Variants in POT1 observed in about 807,000 individuals in gnomAD.
POT1 encodes the protein protection of telomeres 1.
In POT1, 47 loss-of-function variants were observed where a neutral mutation model predicts 78.5. That is an observed-to-expected ratio of 0.60 (90% CI 0.47 to 0.76). The LOEUF (loss-of-function observed/expected upper bound fraction) is 0.76, where lower values mean the gene tolerates loss of function less well. Ranked by LOEUF, POT1 falls within the 30% of genes least tolerant of loss-of-function variation. The probability of loss-of-function intolerance (pLI) is 0.00; values close to 1 mark genes in which losing one functional copy is unlikely to be tolerated. For missense variants in POT1, 646 were observed against 749.9 expected, an observed-to-expected ratio of 0.86 and a Z score of 1.62; for synonymous variants, 259 against 260.7, an observed-to-expected ratio of 0.99 and a Z score of 0.06.
intron 6 of POT1, among the ~76,000 whole-genome samples, chr7:124,877,267 C>T (rs1796010250): frequency 6.6e-6 from 1 of 152,124 alleles, no homozygotes; most frequent in African/African-American, 2.4e-5. Flanking sequence ...TTCGATACTT[C>T]AACTTTATAA....
chr7:124,913,723 A>C (rs1796947100), intron 3 of POT1, among the ~76,000 whole-genome samples: 1 of 138,108 alleles, frequency 7.2e-6, no homozygotes, highest in Admixed American at 7.3e-5. Context: ...ATTTGTTGAA[A>C]AGACAAATGG....
intron 7 of POT1, among the ~76,000 whole-genome samples, chr7:124,869,137 C>G (rs1335273786): frequency 2.0e-5 from 3 of 151,994 alleles, no homozygotes; most frequent in African/African-American, 4.8e-5. Context: ...GTGAATGGAG[C>G]CATGCATGGT....
At chr7:124,881,234 C>T (rs1358694337) in intron 6 of POT1, among the ~76,000 whole-genome samples, 1 of 151,884 alleles carries the variant, frequency 6.6e-6, no homozygotes, top group Non-Finnish European at 1.5e-5. Flanking sequence ...CATTACTACA[C>T]ATCAGTCATT....
chr7:124,857,676 C>A (rs1795479956), intron 9 of POT1, among the ~76,000 whole-genome samples: 1 of 152,186 alleles, frequency 6.6e-6, no homozygotes, highest in African/African-American at 2.4e-5. Context: ...AGACTACCTT[C>A]CTGCTCCATC....
At chr7:124,905,028 T>A (rs1385161829) in intron 3 of POT1, among the ~76,000 whole-genome samples, 2 of 152,178 alleles carry the variant, frequency 1.3e-5, no homozygotes, top group Non-Finnish European at 2.9e-5. Context: ...TCCACGCTCA[T>A]GGATAGAAAA....
At chr7:124,832,009 A>AT (rs978065921) in intron 15 of POT1, among the ~76,000 whole-genome samples, 4 of 106,966 alleles carry the variant, frequency 3.7e-5, no homozygotes, top group African/African-American at 1.2e-4. Context: ...TAAAAAAAAA[A>AT]AAAAAAAAAA....
rs369417655 is a variant in POT1, at chr7:124,835,390, T to C, written c.1394A>G (p.Lys465Arg). Residue 465 changes from lysine (K) to arginine (R), a missense_variant, in exon 15 of 19, where the codon AAA becomes AGA. Around this residue, in one of 2 missense-constraint regions of POT1, gnomAD observed 394 missense variants for 408.4 expected, o/e 0.96. Coordinates refer to ENST00000357628, the MANE Select transcript of POT1 (RefSeq NM_015450.3). ...TACACTATTAAACTTGTTCGAGAGT[T>C]TGCAAATTTCACTGAGTGTACCTCC... ...IEGGTLSEICKLSNKFNSVIP... is the reference protein window; with the variant it reads ...IEGGTLSEICRLSNKFNSVIP... The C allele has an allele frequency of 1.9e-6, 3 of 1,613,352 alleles. No individual in the cohort carries two copies. The highest frequency in any genetic ancestry group is 4.5e-5 in the East Asian group (2 of 44,872).
chr7:124,917,022 G>T (rs1042746542), intron 2 of POT1, among the ~76,000 whole-genome samples: 2 of 152,094 alleles, frequency 1.3e-5, no homozygotes, highest in Non-Finnish European at 2.9e-5. Flanking sequence ...ACTGCAGCTG[G>T]AAGGCAAGAA....
At chr7:124,911,138 A>G (rs997551702) in intron 3 of POT1, among the ~76,000 whole-genome samples, 3 of 152,084 alleles carry the variant, frequency 2.0e-5, no homozygotes, top group Non-Finnish European at 4.4e-5. Flanking sequence ...TGTCATCTCA[A>G]ATATTAATAA....
chr7:124,891,475 CTA>C (rs993876140), intron 6 of POT1, among the ~76,000 whole-genome samples: 2 of 151,352 alleles, frequency 1.3e-5, no homozygotes, highest in African/African-American at 2.4e-5. Context: ...CTCAGCTACT[CTA>C]TGATTTTTTA....
intron 8 of POT1, among the ~76,000 whole-genome samples, chr7:124,863,008 T>G (rs998413069): frequency 6.6e-6 from 1 of 152,106 alleles, no homozygotes; most frequent in African/African-American, 2.4e-5. Flanking sequence ...AAGGTGACCT[T>G]GACAGGGAAA....
chr7:124,844,648 T>C (rs1584759752), intron 12 of POT1, among the ~76,000 whole-genome samples: 1 of 140,098 alleles, frequency 7.1e-6, no homozygotes, highest in African/African-American at 2.7e-5. Flanking sequence ...GGCAGGAGAA[T>C]GGCGTGAACC....
chr7:124,883,793 G>A (rs1426964202), intron 6 of POT1, among the ~76,000 whole-genome samples: 1 of 151,336 alleles, frequency 6.6e-6, no homozygotes, highest in Admixed American at 6.6e-5. Flanking sequence ...GTTTTAAAAT[G>A]CCAAAGGTGC....
At chr7:124,854,800 AT>A (rs566245132) in intron 9 of POT1, among the ~76,000 whole-genome samples, 1 of 151,612 alleles carries the variant, frequency 6.6e-6, no homozygotes, top group Non-Finnish European at 1.5e-5. Flanking sequence ...AAAACATAAA[AT>A]TTTCTAGTTT....
chr7:124,910,491 GTAAGATTTCA>G (rs1563018591), intron 3 of POT1, among the ~76,000 whole-genome samples: 2 of 151,754 alleles, frequency 1.3e-5, no homozygotes, highest in Non-Finnish European at 2.9e-5. Flanking sequence ...TTTGCAATCT[GTAAGATTTCA>G]TACAAATATA....
intron 6 of POT1, among the ~76,000 whole-genome samples, chr7:124,874,177 T>A (rs907203930): frequency 6.6e-6 from 1 of 152,182 alleles, no homozygotes; most frequent in Non-Finnish European, 1.5e-5. Context: ...ACTTCTCATG[T>A]TGGTGTTAAC....
intron 7 of POT1, among the ~76,000 whole-genome samples, chr7:124,866,220 C>T (rs1158814104): frequency 2.7e-5 from 4 of 146,872 alleles, no homozygotes; most frequent in Non-Finnish European, 6.0e-5. Context: ...AAGTCTTCTC[C>T]GTAGAACTTG....
chr7:124,853,421 A>C (rs1325275090), intron 9 of POT1: 2 of 213,110 alleles, frequency 9.4e-6, no homozygotes, highest in African/African-American at 4.5e-5. Flanking sequence ...CAGATCTATT[A>C]AAATGTGAAA....
chr7:124,840,834 T>C, intron 14 of POT1, 139 bp downstream of exon 14: 2 of 588,476 alleles, frequency 3.4e-6, no homozygotes, highest in African/African-American at 1.9e-5. Context: ...AGTTAACATA[T>C]ATATTCAATT....
Sources: gnomAD v4.1 joint callset for allele counts (sites outside exome capture counted in the v4.1 genomes callset) on GRCh38, gnomAD v4.1.1 for gene constraint, gnomAD v4.1.1 regional missense constraint, MANE v1.5 for transcripts, NCBI Gene and HGNC (gene_info 2026-07-23, HGNC 2026-07-21) for gene names.